Variants in CRYBG1 observed in about 807,000 individuals in gnomAD.
CRYBG1 encodes the protein beta/gamma crystallin domain-containing protein 1.
In CRYBG1, 139 loss-of-function variants were observed where a neutral mutation model predicts 189.2. The ratio of observed to expected loss-of-function variants is 0.73; its 90% confidence interval spans 0.64 to 0.85. The LOEUF is 0.85. Ranked by LOEUF, CRYBG1 falls within the 40% of genes least tolerant of loss-of-function variation. CRYBG1 has a pLI of 0.00. For missense variants in CRYBG1, 2,611 were observed against 2,675.8 expected (o/e 0.98, Z 0.53); for synonymous variants, 1,023 against 1,017.1 (o/e 1.01, Z -0.11).
chr6:106,512,144 CCAGGTGAGCCTCCGGCCGAGGGCG>C lies in CRYBG1; in HGVS notation c.1031_1054del (p.Gly344_Ala351del). ...GCCCCCCAAGGGCGCGTCTGATTTG[CCAGGTGAGCCTCCGGCCGAGGGCG>C]CAGCGCACACGGCCAGCTCCGCGCA... On this transcript the variant is annotated inframe_deletion, in exon 3 of 22. Transcript: ENST00000633556. 1 of 1,534,352 alleles carries C rather than the reference CCAGGTGAGCCTCCGGCCGAGGGCG, an allele frequency of 6.5e-7. No homozygotes were observed. Among genetic ancestry groups the C allele is most frequent in the South Asian group, 1.2e-5 (1 of 83,912 alleles).
rs1346533934 is a variant in CRYBG1, at chr6:106,360,868, G to C, written c.-41G>C. On this transcript the variant is annotated 5_prime_UTR_variant, in exon 1 of 22. Coordinates refer to ENST00000633556, the MANE Select transcript of CRYBG1 (RefSeq NM_001371242.2). ...TTCCATAGGGCCCGGGCGGCAGAGA[G>C]GACCGCGTCCCGGCAGTCGGAGCGG... 1.3e-6 allele frequency: 2 copies of C among 1,502,346 alleles called. No individual in the cohort carries two copies. The highest frequency in any genetic ancestry group is 1.4e-5 in the African/African-American group (1 of 71,298). The allele number at this position is 1,502,346 out of a possible 1,614,324, so 93.1% of individuals were successfully genotyped here. A position where few individuals can be genotyped will look rare whatever the true frequency, so the allele number is the denominator to read the frequency against.
chr6:106,528,032 C>T (rs1773793774), intron 7 of CRYBG1, among the ~76,000 whole-genome samples: 1 of 152,092 alleles, frequency 6.6e-6, no homozygotes, highest in African/African-American at 2.4e-5. Flanking sequence ...TTTGATGATT[C>T]TTTACCTTAA....
intron 1 of CRYBG1, among the ~76,000 whole-genome samples, chr6:106,374,632 A>T (rs1770110806): frequency 6.6e-6 from 1 of 152,244 alleles, no homozygotes; most frequent in Non-Finnish European, 1.5e-5. Flanking sequence ...TGAAGAATTT[A>T]TAATTCTTGA....
At chr6:106,541,050 G>T in intron 9 of CRYBG1, 1 of 262,752 alleles carries the variant, frequency 3.8e-6, no homozygotes, top group Non-Finnish European at 7.7e-6. Flanking sequence ...ATCTTATTAT[G>T]TGAACTTCAA....
At chr6:106,396,879 AC>A (rs1433688560) in intron 1 of CRYBG1, among the ~76,000 whole-genome samples, 2 of 152,156 alleles carry the variant, frequency 1.3e-5, no homozygotes, top group Admixed American at 6.5e-5. Flanking sequence ...CCGAGGTTTC[AC>A]CATGTTGGCC....
chr6:106,363,720 T>C (rs1169134448), intron 1 of CRYBG1, among the ~76,000 whole-genome samples: 1 of 152,214 alleles, frequency 6.6e-6, no homozygotes, highest in Non-Finnish European at 1.5e-5. Flanking sequence ...AAAAATGAAT[T>C]TATCTACTAG....
intron 1 of CRYBG1, among the ~76,000 whole-genome samples, chr6:106,428,431 T>C (rs1390928900): frequency 6.6e-6 from 1 of 152,196 alleles, no homozygotes; most frequent in Non-Finnish European, 1.5e-5. Context: ...ATCTGCTATA[T>C]TTTCTTTGGA....
rs1773598277 is a variant in CRYBG1, at chr6:106,521,145, A to G, written c.3937A>G (p.Asn1313Asp). The G allele has an allele frequency of 6.2e-7, 1 of 1,614,164 alleles. No individual in the cohort carries two copies. Among genetic ancestry groups the G allele is most frequent in the East Asian group, 2.2e-5 (1 of 44,890 alleles). Residue 1313 changes from asparagine (N) to aspartate (D), a missense_variant, in exon 4 of 22, where the codon AAT becomes GAT. This residue lies in a region of CRYBG1 where 1,622 missense variants were observed against 1,735.0 expected (regional missense o/e 0.93). Transcript: ENST00000633556. ...GCCCGACAACTCCTTAAAGGTCTTCAATTTCAACTCGTCAAGTACATCACA... is the reference window on the plus strand; with the variant it reads ...GCCCGACAACTCCTTAAAGGTCTTCGATTTCAACTCGTCAAGTACATCACA... Reference protein sequence around the residue: ...LLPDNSLKVFNFNSSSTSHSS... With the variant: ...LLPDNSLKVFDFNSSSTSHSS...
At chr6:106,484,431 C>G (rs1216965704) in intron 2 of CRYBG1, among the ~76,000 whole-genome samples, 1 of 151,414 alleles carries the variant, frequency 6.6e-6, no homozygotes, top group Admixed American at 6.6e-5. Flanking sequence ...AATCCTCCAA[C>G]CTCAGCCTCC....
intron 1 of CRYBG1, among the ~76,000 whole-genome samples, chr6:106,361,660 C>A (rs1285204872): frequency 6.6e-6 from 1 of 152,174 alleles, no homozygotes; most frequent in African/African-American, 2.4e-5. Context: ...AGCTAGAGAG[C>A]ACCTAGTTAT....
At chr6:106,412,508 C>G (rs1770946173) in intron 1 of CRYBG1, among the ~76,000 whole-genome samples, 1 of 152,146 alleles carries the variant, frequency 6.6e-6, no homozygotes, top group Non-Finnish European at 1.5e-5. Flanking sequence ...TAAGGAAAAA[C>G]ATATGTTATT....
intron 11 of CRYBG1, 66 bp downstream of exon 11, chr6:106,543,663 T>G (rs1774192784): frequency 6.6e-7 from 1 of 1,512,622 alleles, no homozygotes; most frequent in African/African-American, 1.4e-5. Context: ...AAATGTGCCC[T>G]TTCCCCCCTA....
chr6:106,392,303 C>T (rs1258009052), intron 1 of CRYBG1, among the ~76,000 whole-genome samples: 1 of 152,192 alleles, frequency 6.6e-6, no homozygotes, highest in African/African-American at 2.4e-5. Context: ...AAAGCTACCC[C>T]ATCATCTTGA....
At chr6:106,546,353 A>G (rs1774265084) in intron 13 of CRYBG1, among the ~76,000 whole-genome samples, 1 of 152,244 alleles carries the variant, frequency 6.6e-6, no homozygotes, top group Non-Finnish European at 1.5e-5. Flanking sequence ...ATAATGTGAC[A>G]TTGGTTATGC....
chr6:106,527,318 G>A lies in CRYBG1; in HGVS notation c.4426G>A (p.Glu1476Lys). Reference sequence around the variant, plus strand: ...TTTTATTGTTAGTTGGATTTTGTATGAGCAACCAAATTTTGAAGGGCACTC... The same window carrying A: ...TTTTATTGTTAGTTGGATTTTGTATAAGCAACCAAATTTTGAAGGGCACTC... ...KVVRGCWILY[E>K]QPNFEGHSIP... Residue 1476 changes from glutamate (E) to lysine (K), a missense_variant, in exon 7 of 22, where the codon GAG (glutamate) becomes AAG (lysine). Physicochemically the swap from Glu to Lys is moderately conservative, Grantham distance 56. Coordinates refer to ENST00000633556, the MANE Select transcript of CRYBG1 (RefSeq NM_001371242.2). 7 of 1,611,036 alleles carry A rather than the reference G, an allele frequency of 4.3e-6. No homozygotes were observed. Among genetic ancestry groups the A allele is most frequent in the South Asian group, 3.3e-5 (3 of 90,624 alleles).
intron 2 of CRYBG1, among the ~76,000 whole-genome samples, chr6:106,495,853 C>A (rs960409732): frequency 1.4e-5 from 2 of 147,978 alleles, no homozygotes; most frequent in Admixed American, 6.7e-5. Flanking sequence ...TTCCCCCCTG[C>A]CCCCTTTTCA....
chr6:106,389,247 A>C (rs1187339942), intron 1 of CRYBG1, among the ~76,000 whole-genome samples: 1 of 151,938 alleles, frequency 6.6e-6, no homozygotes, highest in Non-Finnish European at 1.5e-5. Context: ...TTGGCCACTT[A>C]CTTGTATTTA....
chr6:106,567,323 T>G (rs1279877419), intron 21 of CRYBG1, among the ~76,000 whole-genome samples: 1 of 152,146 alleles, frequency 6.6e-6, no homozygotes, highest in Non-Finnish European at 1.5e-5. Flanking sequence ...CCAAAACACC[T>G]TACCCTTGTA....
chr6:106,568,418 T>C, intron 21 of CRYBG1, 54 bp from the exon 22 acceptor site: 2 of 1,385,982 alleles, frequency 1.4e-6, no homozygotes, highest in Non-Finnish European at 2.1e-6. Flanking sequence ...TTGTGTCTGC[T>C]ATAGACCCTT....
Sources: gnomAD v4.1 joint callset for allele counts (sites outside exome capture counted in the v4.1 genomes callset) on GRCh38, gnomAD v4.1.1 for gene constraint, gnomAD v4.1.1 regional missense constraint, MANE v1.5 for transcripts, NCBI Gene and HGNC (gene_info 2026-07-23, HGNC 2026-07-21) for gene names.